Variants in XXYLT1 observed in about 807,000 individuals in gnomAD.
The protein encoded by XXYLT1 is UDP-xylose:alpha-xyloside alpha-1,3-xylosyltransferase.
A neutral mutation model predicts 28.9 loss-of-function variants in XXYLT1; 20 were observed. That is an observed-to-expected ratio of 0.69 (90% CI 0.49 to 1.00). XXYLT1 has a LOEUF of 1.00. Among genes scored for constraint, XXYLT1 ranks in the 50% least tolerant of loss-of-function variants. The pLI, the probability that XXYLT1 is intolerant of heterozygous loss-of-function variation, is 0.00. For synonymous variants in XXYLT1, 257 were observed against 253.8 expected, an observed-to-expected ratio of 1.01 and a Z score of -0.12; for missense variants, 542 against 560.1, an observed-to-expected ratio of 0.97 and a Z score of 0.33.
intron 2 of XXYLT1, among the ~76,000 whole-genome samples, chr3:195,212,091 ATG>A (rs1560154783): frequency 1.6e-5 from 2 of 121,490 alleles, no homozygotes; most frequent in African/African-American, 3.1e-5. Context: ...ACGGAATGCC[ATG>A]GGAAGATCTG....
At chr3:195,163,792 G>A (rs1720985712) in intron 2 of XXYLT1, among the ~76,000 whole-genome samples, 2 of 152,218 alleles carry the variant, frequency 1.3e-5, no homozygotes, top group African/African-American at 4.8e-5. Context: ...TTTCTCCTTT[G>A]CTATCCTAGA....
rs1322063816 is a variant in XXYLT1 at position 195,069,859 on chromosome 3, A to G, written c.1038T>C (p.His346=). Residue 346 remains histidine (H), a synonymous_variant, in exon 4 of 4, where the codon CAT becomes CAC. Coordinates refer to ENST00000310380, the MANE Select transcript of XXYLT1 (RefSeq NM_152531.5). ...MIGMEHPKLF[H]VLDCTWNRQL... The stretch of plus-strand genomic sequence containing the variant: ...GCCGGTTCCAGGTACAGTCCAGCAC[A>G]TGGAAGAGCTTGGGGTGCTCCATGC... The G allele has an allele frequency of 1.2e-6, 2 of 1,614,038 alleles. No homozygotes were observed. Among genetic ancestry groups the G allele is most frequent in the African/African-American group, 1.3e-5 (1 of 74,942 alleles).
intron 3 of XXYLT1, chr3:195,094,119 G>GC (rs1716280460): frequency 6.5e-6 from 1 of 152,688 alleles, no homozygotes; most frequent in Non-Finnish European, 1.5e-5. Flanking sequence ...CACAGCACTG[G>GC]CCTCTCCTGT....
rs1041346312 is a variant in XXYLT1, at chr3:195,270,819, T to G, written c.240A>C (p.Pro80=). The G allele has an allele frequency of 6.8e-7, 1 of 1,464,446 alleles. No individual in the cohort carries two copies. Among genetic ancestry groups the G allele is most frequent in the African/African-American group, 1.5e-5 (1 of 67,688 alleles). The allele number at this position is 1,464,446 out of a possible 1,614,324, so 90.7% of individuals were successfully genotyped here. The stretch of plus-strand genomic sequence containing the variant: ...AGCTCTTGGCCTTCGCGCCGGGGGC[T>G]GGCGCCACGGAGCCCCGCGCTAGCT... ...ALELARGSVA[P]APGAKAKSLE... The change falls in exon 1 of 4, where the codon CCA becomes CCC. Residue 80 remains proline (P), a synonymous_variant. Transcript: ENST00000310380.
rs778180665 is a variant in XXYLT1, at chr3:195,255,237, G to A, written c.504+15318C>T. 1.8e-4 allele frequency among the ~76,000 whole-genome samples: 28 copies of A among 152,346 alleles called. No individual in the cohort carries two copies. The highest frequency in any genetic ancestry group is 4.1e-4 in the South Asian group (2 of 4,830). On this transcript the variant is annotated intron_variant, in intron 1 of 3. Coordinates refer to ENST00000310380, the MANE Select transcript of XXYLT1 (RefSeq NM_152531.5). The surrounding 1 kb of genome is among the most constrained non-coding windows in gnomAD (Gnocchi z 4.5). The stretch of plus-strand genomic sequence containing the variant: ...CATGCTCGCACAACAGGGAGCCGCC[G>A]ACCAGGCCTGGAGATCCCTGTGACA...
chr3:195,161,698 G>A (rs1183818986), intron 2 of XXYLT1, among the ~76,000 whole-genome samples: 4 of 149,106 alleles, frequency 2.7e-5, no homozygotes, highest in Admixed American at 6.7e-5. Context: ...GCAATGGCGC[G>A]ATCTTGGCTC....
intron 3 of XXYLT1, among the ~76,000 whole-genome samples, chr3:195,140,289 G>A (rs975002026): frequency 3.3e-5 from 5 of 152,194 alleles, no homozygotes; most frequent in African/African-American, 1.2e-4. Flanking sequence ...TATAGGCAAC[G>A]TTAGCACCAC....
At position 195,068,909 on chromosome 3, in the gene XXYLT1, T is replaced by C. The variant is rs1334627165; in HGVS notation, c.*806A>G. The C allele has an allele frequency of 6.6e-6, 1 of 152,110 alleles. No individual in the cohort carries two copies. Among genetic ancestry groups the C allele is most frequent in the East Asian group, 1.9e-4 (1 of 5,190 alleles). The allele number at this position is 152,110 out of a possible 1,614,324, so 9.4% of individuals were successfully genotyped here. A position where few individuals can be genotyped will look rare whatever the true frequency, so the allele number is the denominator to read the frequency against. ...GGCTTTTTGGAATGAGTCTTCCTGG[T>C]CCCGACAGTTCTCCTGCATGTCCTT... is the stretch of plus-strand genomic sequence containing the variant. On this transcript the variant is annotated 3_prime_UTR_variant, in exon 4 of 4. Transcript: ENST00000310380.
chr3:195,075,443 C>T (rs1482242254), intron 3 of XXYLT1, among the ~76,000 whole-genome samples: 1 of 152,236 alleles, frequency 6.6e-6, no homozygotes, highest in African/African-American at 2.4e-5. Flanking sequence ...GAAAGGGCAA[C>T]TCCACATTTC....
intron 1 of XXYLT1, among the ~76,000 whole-genome samples, chr3:195,231,866 T>C (rs751480255): frequency 6.6e-6 from 1 of 152,112 alleles, no homozygotes; most frequent in African/African-American, 2.4e-5. Flanking sequence ...TACTGATGTG[T>C]CTGTCTGGTT....
rs757693454 is a variant in XXYLT1 at position 195,270,573 on chromosome 3, G to T, written c.486C>A (p.Ala162=). 1 of 1,383,524 alleles carries T rather than the reference G, an allele frequency of 7.2e-7. No homozygotes were observed. The highest frequency in any genetic ancestry group is 1.6e-5 in the South Asian group (1 of 62,742). 85.7% of individuals were successfully genotyped at this position (1,383,524 alleles called of 1,614,324 possible). ...KGLLRELLPP[A]AGFKCKVIFH... ...CGCTCACCTTGCACTTGAAGCCAGC[G>T]GCGGGCGGCAGGAGCTCCCGCAGCA... The change falls in exon 1 of 4, where the codon GCC becomes GCA. Residue 162 remains alanine (A), a synonymous_variant. Transcript: ENST00000310380.
intron 1 of XXYLT1, among the ~76,000 whole-genome samples, chr3:195,254,649 C>A (rs1293929511): frequency 6.6e-6 from 1 of 152,162 alleles, no homozygotes; most frequent in Non-Finnish European, 1.5e-5. Context: ...ACAGGGTGAG[C>A]AGGTGAGCCA....
Position 195,133,645 on chromosome 3 carries a change from A to G in XXYLT1, c.785+22804T>C, listed in dbSNP as rs1417426357. On this transcript the variant is annotated intron_variant, in intron 3 of 3. Coordinates refer to ENST00000310380, the MANE Select transcript of XXYLT1 (RefSeq NM_152531.5). The surrounding 1 kb of genome is among the most constrained non-coding windows in gnomAD (Gnocchi z 4.4). ...CTGTGCCAAACGCTCCCAGATGCAC[A>G]CTCTCGGCAACTTGTTGCCATGCAG... Among the ~76,000 whole-genome samples the G allele has an allele frequency of 6.6e-6, 1 of 152,102 alleles. No homozygotes were observed. The highest frequency in any genetic ancestry group is 2.4e-5 in the African/African-American group (1 of 41,404).
chr3:195,103,360 A>ATGCCAG (rs1560095790), intron 3 of XXYLT1, among the ~76,000 whole-genome samples: 1 of 141,512 alleles, frequency 7.1e-6, no homozygotes, highest in African/African-American at 2.5e-5. Flanking sequence ...CCATCACCCC[A>ATGCCAG]CGCCAGCGGC....
intron 3 of XXYLT1, among the ~76,000 whole-genome samples, chr3:195,103,139 T>C (rs1272805623): frequency 1.3e-5 from 2 of 152,232 alleles, no homozygotes; most frequent in African/African-American, 2.4e-5. Flanking sequence ...TAACAGTCAG[T>C]GCTGTGGGGG....
Position 195,096,220 on chromosome 3 carries a change from G to A in XXYLT1, c.786-26109C>T, listed in dbSNP as rs77176712. Among the ~76,000 whole-genome samples the A allele has an allele frequency of 1.5e-3, 228 of 152,230 alleles. 1 individual carries two copies. The highest frequency in any genetic ancestry group is 0.015 in the East Asian group (75 of 5,172). ...TTTTATAGAGTACCTGCTAAGCCTGGGGCCACCTAGGGGAGATTGGAGGGT... is the reference window on the plus strand; with the variant it reads ...TTTTATAGAGTACCTGCTAAGCCTGAGGCCACCTAGGGGAGATTGGAGGGT... On this transcript the variant is annotated intron_variant, in intron 3 of 3. Coordinates refer to ENST00000310380, the MANE Select transcript of XXYLT1 (RefSeq NM_152531.5).
chr3:195,238,543 A>C (rs148342655), intron 1 of XXYLT1, among the ~76,000 whole-genome samples: 1 of 152,322 alleles, frequency 6.6e-6, no homozygotes, highest in African/African-American at 2.4e-5. Flanking sequence ...CAGGTTTGCT[A>C]AACTAAGTGA....
rs1162011937 is a variant in XXYLT1, at chr3:195,088,861, G to A, written c.786-18750C>T. On this transcript the variant is annotated intron_variant, in intron 3 of 3. Transcript: ENST00000310380. ...CTGATGGAGCTGAAAACCAAGGCTC[G>A]AGAACTACGTGAAGAATGCAGAAGC... 2.4e-4 allele frequency among the ~76,000 whole-genome samples: 36 copies of A among 148,012 alleles called. No homozygotes were observed. In the East Asian group the frequency reaches 2.8e-3, roughly 12 times the overall value.
chr3:195,262,455 ATGAG>A (rs1348268325), intron 1 of XXYLT1, among the ~76,000 whole-genome samples: 2 of 152,238 alleles, frequency 1.3e-5, no homozygotes, highest in African/African-American at 4.8e-5. Flanking sequence ...TATACATTAA[ATGAG>A]TGAGCTTTAT....
Sources: allele counts gnomAD v4.1 joint callset (sites outside exome capture counted in the v4.1 genomes callset), GRCh38; gene constraint gnomAD v4.1.1; non-coding constraint Gnocchi (gnomAD v3.1); transcripts MANE v1.5; gene names NCBI Gene and HGNC (gene_info 2026-07-23, HGNC 2026-07-21).